Variants in SMC1B observed in about 807,000 individuals in gnomAD.
The protein encoded by SMC1B is structural maintenance of chromosomes 1B.
A neutral mutation model predicts 157.9 loss-of-function variants in SMC1B; 60 were observed. That is an observed-to-expected ratio of 0.38 (90% CI 0.31 to 0.47). The LOEUF (loss-of-function observed/expected upper bound fraction) is 0.47. SMC1B is among the 20% of genes least tolerant of loss of function. SMC1B has a pLI of 0.99. For missense variants in SMC1B, 1,165 were observed against 1,426.2 expected (o/e 0.82, Z 2.95); for synonymous variants, 445 against 483.0 (o/e 0.92, Z 1.03).
At chr22:45,394,827 T>C (rs1602087749) in intron 7 of SMC1B, 60 bp from the exon 8 acceptor site, 1 of 1,410,006 alleles carries the variant, frequency 7.1e-7, no homozygotes, top group Non-Finnish European at 9.3e-7. Context: ...CAAAATTACA[T>C]GCCTAGAACT....
At chr22:45,371,821 C>G (rs546246597) in intron 13 of SMC1B, among the ~76,000 whole-genome samples, 76 of 152,170 alleles carry the variant, frequency 5.0e-4, no homozygotes, top group African/African-American at 1.6e-3. Flanking sequence ...CTTTGTGAAG[C>G]CAAGGTGGGC....
intron 11 of SMC1B, among the ~76,000 whole-genome samples, chr22:45,384,706 C>A (rs1454288757): frequency 2.0e-5 from 3 of 148,222 alleles, no homozygotes; most frequent in Admixed American, 6.8e-5. Flanking sequence ...GGTGACAGAG[C>A]AAGACTCCAT....
chr22:45,399,044 G>T, intron 6 of SMC1B, 51 bp downstream of exon 6: 1 of 1,545,926 alleles, frequency 6.5e-7, no homozygotes, highest in Non-Finnish European at 8.7e-7. Context: ...CTAATTCAAA[G>T]CAGCTGAAAT....
At chr22:45,399,046 A>AG (rs2087160426) in intron 6 of SMC1B, 49 bp downstream of exon 6, 3 of 1,554,516 alleles carry the variant, frequency 1.9e-6, no homozygotes, top group Non-Finnish European at 2.6e-6. Flanking sequence ...AATTCAAAGC[A>AG]GCTGAAATAA....
intron 6 of SMC1B, 47 bp from the exon 7 acceptor site, chr22:45,396,533 G>A (rs745515046): frequency 1.3e-6 from 2 of 1,546,090 alleles, no homozygotes; most frequent in Non-Finnish European, 1.8e-6. Flanking sequence ...TAAGAAGCAT[G>A]AGAGCAAATT....
Position 45,371,466 on chromosome 22 carries a change from A to C in SMC1B, c.2313+5T>G. 6.3e-7 allele frequency: 1 copy of C among 1,587,602 alleles called. No homozygotes were observed. Among genetic ancestry groups the C allele is most frequent in the Non-Finnish European group, 8.5e-7 (1 of 1,170,064 alleles). ...CCATTTAGGAATAAATATAACATTCATGACCTTATCTATCTTTTCTTGAAA... is the reference window on the plus strand; with the variant it reads ...CCATTTAGGAATAAATATAACATTCCTGACCTTATCTATCTTTTCTTGAAA... On this transcript the variant is annotated splice_donor_5th_base_variant and intron_variant, in intron 14 of 24. Coordinates refer to ENST00000357450, the MANE Select transcript of SMC1B (RefSeq NM_148674.5).
intron 22 of SMC1B, among the ~76,000 whole-genome samples, chr22:45,350,915 C>T (rs2086609327): frequency 1.3e-5 from 2 of 152,228 alleles, no homozygotes; most frequent in African/African-American, 4.8e-5. Flanking sequence ...CCTGCCACTG[C>T]TGCATACAGT....
At chr22:45,395,045 T>A (rs1032806942) in intron 7 of SMC1B, among the ~76,000 whole-genome samples, 2 of 152,182 alleles carry the variant, frequency 1.3e-5, no homozygotes, top group African/African-American at 4.8e-5. Context: ...CCTTAACTAA[T>A]GTACTGAACA....
chr22:45,412,354 C>T (rs2087349340), intron 1 of SMC1B, among the ~76,000 whole-genome samples: 1 of 151,306 alleles, frequency 6.6e-6, no homozygotes, highest in Non-Finnish European at 1.5e-5. Context: ...GTGCATGTCA[C>T]CACACCCGAT....
chr22:45,380,987 A>C (rs1003877739), intron 12 of SMC1B, among the ~76,000 whole-genome samples: 1 of 143,218 alleles, frequency 7.0e-6, no homozygotes, highest in African/African-American at 2.6e-5. Context: ...TGTGAGATGG[A>C]GTTTCATCCT....
At chr22:45,389,951 T>C (rs1266254559) in intron 9 of SMC1B, 54 bp from the exon 10 acceptor site, 2 of 1,434,832 alleles carry the variant, frequency 1.4e-6, no homozygotes, top group Admixed American at 2.1e-5. Flanking sequence ...GTGAAATATA[T>C]AATTCATTAT....
rs1368726939 is a variant in SMC1B, at chr22:45,361,889, T to C, written c.2658A>G (p.Lys886=). 5 of 1,614,154 alleles carry C rather than the reference T, an allele frequency of 3.1e-6. No individual in the cohort carries two copies. The highest frequency in any genetic ancestry group is 4.2e-6 in the Non-Finnish European group (5 of 1,180,018). Residue 886 remains lysine (K), a synonymous_variant, in exon 17 of 25, where the codon AAA becomes AAG. Coordinates refer to ENST00000357450, the MANE Select transcript of SMC1B (RefSeq NM_148674.5). ...IRVTQNSSAE[K]VQTQIEEERK... ...GTTCCTCTTCAATTTGAGTTTGAAC[T>C]TTCTCGGCACTGGAGTTCTGAGTGA...
At position 45,344,289 on chromosome 22, in the gene SMC1B, GTTAGAA is replaced by G. The variant is rs2086527753; in HGVS notation, c.*261_*266del. 1 of 235,350 alleles carries G rather than the reference GTTAGAA, an allele frequency of 4.2e-6. No homozygotes were observed. Among genetic ancestry groups the G allele is most frequent in the Non-Finnish European group, 8.1e-6 (1 of 122,776 alleles). 14.6% of individuals were successfully genotyped at this position (235,350 alleles called of 1,614,324 possible). A position where few individuals can be genotyped will look rare whatever the true frequency, so the allele number is the denominator to read the frequency against. ...CAAACTAGCTTATTTCAAAATAGAA[GTTAGAA>G]TTATAGTACAAAATTGTACCTTTTG... On this transcript the variant is annotated 3_prime_UTR_variant, in exon 25 of 25. Coordinates refer to ENST00000357450, the MANE Select transcript of SMC1B (RefSeq NM_148674.5).
Position 45,360,025 on chromosome 22 carries a change from T to C in SMC1B, c.2709-67A>G, listed in dbSNP as rs114160772. 2.3e-3 allele frequency: 2,795 copies of C among 1,231,414 alleles called. 47 individuals are homozygous for C. The African/African-American group carries it at 0.038, about 17-fold the overall frequency. 76.3% of individuals were successfully genotyped at this position (1,231,414 alleles called of 1,614,324 possible). ...GTAACACTGCACCAAGGAAGAAAAATGTATGCTATAAACTTTTATGAAAAA... is the reference window on the plus strand; with the variant it reads ...GTAACACTGCACCAAGGAAGAAAAACGTATGCTATAAACTTTTATGAAAAA... On this transcript the variant is annotated intron_variant, in intron 17 of 24. Coordinates refer to ENST00000357450, the MANE Select transcript of SMC1B (RefSeq NM_148674.5).
intron 23 of SMC1B, among the ~76,000 whole-genome samples, chr22:45,346,847 A>G (rs552088291): frequency 3.9e-4 from 60 of 152,354 alleles, no homozygotes; most frequent in Admixed American, 7.8e-4. Context: ...TTCATACTAC[A>G]TAACTGCTCA....
intron 6 of SMC1B, among the ~76,000 whole-genome samples, chr22:45,398,658 C>T (rs1025163997): frequency 5.3e-5 from 8 of 152,066 alleles, no homozygotes; most frequent in Non-Finnish European, 7.4e-5. Flanking sequence ...GGAGAAACCC[C>T]GTCTCTACTA....
At chr22:45,348,266 A>G (rs1424607857) in intron 23 of SMC1B, among the ~76,000 whole-genome samples, 2 of 152,176 alleles carry the variant, frequency 1.3e-5, no homozygotes, top group African/African-American at 2.4e-5. Context: ...AGAACTGGGA[A>G]GTAGGGCTGG....
chr22:45,412,247 C>G (rs1440777548), intron 1 of SMC1B, among the ~76,000 whole-genome samples: 1 of 151,684 alleles, frequency 6.6e-6, no homozygotes, highest in Non-Finnish European at 1.5e-5. Context: ...GTTACCCAGG[C>G]TGGAGTGCGG....
Position 45,390,649 on chromosome 22 carries a change from G to A in SMC1B, c.1546-752C>T, listed in dbSNP as rs2087047475. ...GAACTCGGGAGGCAGAGGTTGCAGTGAGCCGAGATCATGCCACTGCACTCC... is the reference window on the plus strand; with the variant it reads ...GAACTCGGGAGGCAGAGGTTGCAGTAAGCCGAGATCATGCCACTGCACTCC... On this transcript the variant is annotated intron_variant, in intron 9 of 24. Transcript: ENST00000357450. Among the ~76,000 whole-genome samples, 4 of 150,982 alleles carry A rather than the reference G, an allele frequency of 2.6e-5. No homozygotes were observed. In the South Asian group the frequency reaches 8.3e-4, roughly 31 times the overall value.
Sources: gnomAD v4.1 joint callset for allele counts (sites outside exome capture counted in the v4.1 genomes callset) on GRCh38, gnomAD v4.1.1 for gene constraint, MANE v1.5 for transcripts, NCBI Gene and HGNC (gene_info 2026-07-23, HGNC 2026-07-21) for gene names.